Variants in ARHGEF7 observed in about 807,000 individuals in gnomAD.
The protein encoded by ARHGEF7 is PAK-interacting exchange factor beta.
ARHGEF7 carries 33 observed loss-of-function variants against 109.8 expected under a neutral mutation model. That is an observed-to-expected ratio of 0.30 (90% CI 0.23 to 0.40). The LOEUF (loss-of-function observed/expected upper bound fraction) is 0.40. ARHGEF7 is among the 10% of genes least tolerant of loss of function. ARHGEF7 has a pLI of 1.00. For missense variants in ARHGEF7, 938 were observed against 1,098.5 expected (o/e 0.85, Z 2.07); for synonymous variants, 458 against 424.6 (o/e 1.08, Z -0.97).
intron 2 of ARHGEF7, among the ~76,000 whole-genome samples, chr13:111,184,260 T>C (rs367869795): frequency 6.6e-6 from 1 of 152,214 alleles, no homozygotes; most frequent in African/African-American, 2.4e-5. Flanking sequence ...TATGTGTAAC[T>C]GTGAGCCAGT....
intron 19 of ARHGEF7, among the ~76,000 whole-genome samples, chr13:111,297,056 A>C (rs1008088014): frequency 6.6e-6 from 1 of 152,346 alleles, no homozygotes; most frequent in Admixed American, 6.5e-5. Context: ...ATGTCTCTAA[A>C]AACACTTAAT....
At chr13:111,210,039 G>A (rs1487097289) in intron 4 of ARHGEF7, 37 bp downstream of exon 4, 3 of 1,613,516 alleles carry the variant, frequency 1.9e-6, no homozygotes, top group South Asian at 1.1e-5. Flanking sequence ...AATATGTTTG[G>A]GAAGGATATG....
intron 1 of ARHGEF7, among the ~76,000 whole-genome samples, chr13:111,139,000 G>T (rs2153354692): frequency 6.6e-6 from 1 of 152,284 alleles, no homozygotes; most frequent in East Asian, 1.9e-4. Context: ...CATGAAAAGG[G>T]CTCAAAAAGC....
At chr13:111,260,957 A>G (rs756893521) in intron 8 of ARHGEF7, among the ~76,000 whole-genome samples, 3 of 152,326 alleles carry the variant, frequency 2.0e-5, no homozygotes, top group Admixed American at 6.5e-5. Flanking sequence ...TTGGAAGTCC[A>G]TGGTAACCTC....
intron 8 of ARHGEF7, among the ~76,000 whole-genome samples, chr13:111,249,261 T>C (rs114603750): frequency 4.5e-4 from 69 of 152,244 alleles, no homozygotes; most frequent in African/African-American, 1.5e-3. Context: ...GCCCTGCCCG[T>C]TCTTTTTTCC....
intron 6 of ARHGEF7, among the ~76,000 whole-genome samples, chr13:111,242,454 A>G (rs1206333725): frequency 6.6e-6 from 1 of 152,304 alleles, no homozygotes; most frequent in East Asian, 1.9e-4. Context: ...TAATATCTTT[A>G]TTACTTCTGT....
At chr13:111,211,686 T>C (rs1054525099) in intron 4 of ARHGEF7, among the ~76,000 whole-genome samples, 4 of 152,244 alleles carry the variant, frequency 2.6e-5, no homozygotes, top group African/African-American at 9.6e-5. Flanking sequence ...AATGTTTCTT[T>C]ACCCTTAGGT....
chr13:111,286,075 C>A, intron 16 of ARHGEF7, 72 bp from the exon 17 acceptor site: 1 of 1,231,042 alleles, frequency 8.1e-7, no homozygotes. Flanking sequence ...ACCTTTACAG[C>A]AGCCTTTCTG....
At chr13:111,158,727 A>C (rs958020749) in intron 2 of ARHGEF7, among the ~76,000 whole-genome samples, 1 of 152,134 alleles carries the variant, frequency 6.6e-6, no homozygotes, top group African/African-American at 2.4e-5. Flanking sequence ...TTTAATTCTT[A>C]TATTTTGTTT....
Position 111,273,674 on chromosome 13 carries a change from G to A in ARHGEF7, c.1074-140G>A. 2 of 1,177,572 alleles carry A rather than the reference G, an allele frequency of 1.7e-6. No individual in the cohort carries two copies. The highest frequency in any genetic ancestry group is 2.4e-6 in the Non-Finnish European group (2 of 829,620). 72.9% of individuals were successfully genotyped at this position (1,177,572 alleles called of 1,614,324 possible). ...ATTTCCAGATAAGCAGCGCAGATTT[G>A]GGATAAAAGCTGGAGCCTTCCAGAT... On this transcript the variant is annotated intron_variant, in intron 9 of 21. Transcript: ENST00000646102. The surrounding 1 kb of genome is among the most constrained non-coding windows in gnomAD (Gnocchi z 4.5).
At chr13:111,216,580 A>T (rs2083174089) in intron 4 of ARHGEF7, among the ~76,000 whole-genome samples, 1 of 151,824 alleles carries the variant, frequency 6.6e-6, no homozygotes, top group African/African-American at 2.4e-5. Context: ...AGAGGCCTGG[A>T]CTCTGCTGAT....
intron 2 of ARHGEF7, among the ~76,000 whole-genome samples, chr13:111,184,585 G>A (rs978019253): frequency 1.3e-5 from 2 of 152,214 alleles, no homozygotes; most frequent in Admixed American, 6.5e-5. Context: ...TGAGGCTGAC[G>A]TTTGTTTTAT....
chr13:111,292,286 C>G lies in ARHGEF7; in HGVS notation c.2303C>G (p.Ser768Cys). 6.2e-7 allele frequency: 1 copy of G among 1,614,228 alleles called. No homozygotes were observed. Among genetic ancestry groups the G allele is most frequent in the Non-Finnish European group, 8.5e-7 (1 of 1,180,034 alleles). ...IWTAHSYRMG[S>C]TSRSRKESAP... Reference sequence around the variant, plus strand: ...ACAGCCCATAGTTACAGAATGGGTTCTACATCTCGTAAGAGCTGTTGCTCA... The same window carrying G: ...ACAGCCCATAGTTACAGAATGGGTTGTACATCTCGTAAGAGCTGTTGCTCA... Residue 768 changes from serine to cysteine, a missense_variant, in exon 19 of 22, where the codon TCT becomes TGT. By Grantham distance (112) the Ser-to-Cys change is moderately radical. This residue lies in a region of ARHGEF7 where 166 missense variants were observed against 167.3 expected (regional missense o/e 0.99). Transcript: ENST00000646102.
chr13:111,243,442 A>G (rs1315398700), intron 6 of ARHGEF7, among the ~76,000 whole-genome samples: 3 of 152,140 alleles, frequency 2.0e-5, no homozygotes, highest in South Asian at 4.1e-4. Flanking sequence ...TTCTGTCACC[A>G]TAGATTAGTT....
intron 8 of ARHGEF7, among the ~76,000 whole-genome samples, chr13:111,256,983 A>T (rs78942369): frequency 0.022 from 3,335 of 152,294 alleles, 124 homozygotes; most frequent in African/African-American, 0.077. Context: ...AAATTGTGGC[A>T]ATTTTTGCTT....
At chr13:111,277,777 CTG>C (rs1567052493) in intron 13 of ARHGEF7, 104 bp downstream of exon 13, 1 of 790,444 alleles carries the variant, frequency 1.3e-6, no homozygotes. Context: ...TGTGTATGTG[CTG>C]TGTGTGTAGT....
Position 111,300,901 on chromosome 13 carries a change from G to C in ARHGEF7, c.2411+54G>C, listed in dbSNP as rs887472595. 7 of 1,210,614 alleles carry C rather than the reference G, an allele frequency of 5.8e-6. No homozygotes were observed. In the African/African-American group the frequency reaches 1.1e-4, roughly 19 times the overall value. 75.0% of individuals were successfully genotyped at this position (1,210,614 alleles called of 1,614,324 possible). On this transcript the variant is annotated intron_variant, in intron 20 of 21. Coordinates refer to ENST00000646102, the MANE Select transcript of ARHGEF7 (RefSeq NM_001354046.2). ...GATGTTTGACCTCTGCGGTGGGGTAGTAGAGTCCAGACAACTCCCTGAGGG... is the reference window on the plus strand; with the variant it reads ...GATGTTTGACCTCTGCGGTGGGGTACTAGAGTCCAGACAACTCCCTGAGGG...
intron 1 of ARHGEF7, 67 bp downstream of exon 1, chr13:111,115,758 G>A (rs1566577164): frequency 1.0e-6 from 1 of 990,262 alleles, no homozygotes; most frequent in East Asian, 5.4e-5. Context: ...GGATGCGCGC[G>A]GAGCACCTGA....
In ARHGEF7 at chr13:111,273,176, T is replaced by C. The variant is rs2092282563; in HGVS notation, c.1074-638T>C. Reference sequence around the variant, plus strand: ...GAAGTTCTAAAGCGTAAATCAACATTCGCTGTCTGCACACAGGGACCCCTT... The same window carrying C: ...GAAGTTCTAAAGCGTAAATCAACATCCGCTGTCTGCACACAGGGACCCCTT... On this transcript the variant is annotated intron_variant, in intron 9 of 21. Coordinates refer to ENST00000646102, the MANE Select transcript of ARHGEF7 (RefSeq NM_001354046.2). This position sits in a 1 kb window ranked among gnomAD's most constrained non-coding sequence, Gnocchi z 4.5. 1.3e-5 allele frequency among the ~76,000 whole-genome samples: 2 copies of C among 152,214 alleles called. No homozygotes were observed. Among genetic ancestry groups the C allele is most frequent in the African/African-American group, 4.8e-5 (2 of 41,464 alleles).
Sources: allele counts gnomAD v4.1 joint callset (sites outside exome capture counted in the v4.1 genomes callset), GRCh38; gene constraint gnomAD v4.1.1; regional missense constraint gnomAD v4.1.1; non-coding constraint Gnocchi (gnomAD v3.1); transcripts MANE v1.5; gene names NCBI Gene and HGNC (gene_info 2026-07-23, HGNC 2026-07-21).